Variants in ATP8B4 observed in about 807,000 individuals in gnomAD.
ATP8B4 encodes the protein ATPase phospholipid transporting 8B4 (putative), also known as probable phospholipid-transporting ATPase IM.
Under a neutral mutation model 145.6 loss-of-function variants are expected in ATP8B4, and 133 were observed. The ratio of observed to expected loss-of-function variants is 0.91; its 90% CI spans 0.79 to 1.05. The LOEUF (loss-of-function observed/expected upper bound fraction) is 1.05, where lower values mean the gene tolerates loss of function less well. Among genes scored for constraint, ATP8B4 ranks in the 50% least tolerant of loss-of-function variants. The probability of loss-of-function intolerance (pLI) is 0.00; values close to 1 mark genes in which losing one functional copy is unlikely to be tolerated. For missense variants in ATP8B4, 1,458 were observed against 1,425.2 expected (o/e 1.02, Z -0.37); for synonymous variants, 507 against 492.9 (o/e 1.03, Z -0.38).
At chr15:49,966,791 A>T (rs2044588393) in intron 13 of ATP8B4, among the ~76,000 whole-genome samples, 10 of 152,236 alleles carry the variant, frequency 6.6e-5, no homozygotes. Flanking sequence ...TGCTTCCTCA[A>T]GTGGGTCCCT....
chr15:49,996,798 A>C (rs2153555596), intron 8 of ATP8B4, 39 bp from the exon 9 acceptor site: 2 of 1,503,828 alleles, frequency 1.3e-6, no homozygotes, highest in South Asian at 1.1e-5. Flanking sequence ...TTTATATGGA[A>C]CAGCCCAACA....
At chr15:49,950,866 T>C (rs1257335606) in intron 14 of ATP8B4, among the ~76,000 whole-genome samples, 2 of 152,216 alleles carry the variant, frequency 1.3e-5, no homozygotes, top group African/African-American at 4.8e-5. Flanking sequence ...TTAATGCTGC[T>C]TTAGCTGTGT....
intron 2 of ATP8B4, 101 bp downstream of exon 2, chr15:50,106,838 A>T: frequency 8.4e-7 from 1 of 1,190,172 alleles, no homozygotes; most frequent in Middle Eastern, 2.8e-4. Flanking sequence ...CTGAACACCT[A>T]GACCTGTGTG....
intron 7 of ATP8B4, chr15:50,009,740 G>A (rs2048586992): frequency 2.2e-6 from 1 of 450,888 alleles, no homozygotes; most frequent in African/African-American, 2.0e-5. Flanking sequence ...TAGATTGCGA[G>A]TGAGAACCTG....
chr15:50,180,091 T>C (rs1362457344), intron 1 of ATP8B4, among the ~76,000 whole-genome samples: 3 of 152,148 alleles, frequency 2.0e-5, no homozygotes, highest in African/African-American at 7.2e-5. Context: ...CTCACCCCCA[T>C]GGGTGAGCGC....
At chr15:50,033,075 A>G (rs1222220582) in intron 6 of ATP8B4, among the ~76,000 whole-genome samples, 1 of 152,210 alleles carries the variant, frequency 6.6e-6, no homozygotes, top group Non-Finnish European at 1.5e-5. Flanking sequence ...TTGTTCAGGT[A>G]ATTATGCAGC....
intron 25 of ATP8B4, 103 bp downstream of exon 25, chr15:49,876,175 C>A: frequency 6.9e-7 from 1 of 1,457,734 alleles, no homozygotes; most frequent in Non-Finnish European, 9.2e-7. Flanking sequence ...CCCAGTATTC[C>A]TTTAGGATTA....
chr15:50,043,725 A>G (rs8028408), intron 5 of ATP8B4, among the ~76,000 whole-genome samples: 102,881 of 151,572 alleles, frequency 0.68, 37,040 homozygotes, highest in East Asian at 0.99. Context: ...AGGCCGAGGC[A>G]GGTGGATCAT....
intron 1 of ATP8B4, among the ~76,000 whole-genome samples, chr15:50,140,451 C>T (rs1396355185): frequency 6.6e-6 from 1 of 152,072 alleles, no homozygotes; most frequent in Non-Finnish European, 1.5e-5. Flanking sequence ...TGGGTTGGAT[C>T]AACACTAGAA....
intron 16 of ATP8B4, among the ~76,000 whole-genome samples, chr15:49,925,853 A>C (rs949604283): frequency 5.9e-5 from 9 of 152,154 alleles, no homozygotes; most frequent in African/African-American, 2.2e-4. Flanking sequence ...TTTCTGTTCA[A>C]AGTTAATAAA....
intron 15 of ATP8B4, among the ~76,000 whole-genome samples, chr15:49,933,368 T>G (rs1272114839): frequency 1.3e-5 from 2 of 152,042 alleles, no homozygotes; most frequent in Non-Finnish European, 2.9e-5. Context: ...TGGAATAGAT[T>G]AGGTTCAACT....
chr15:49,886,521 T>C (rs913417357), intron 23 of ATP8B4, among the ~76,000 whole-genome samples: 1 of 152,200 alleles, frequency 6.6e-6, no homozygotes, highest in Non-Finnish European at 1.5e-5. Flanking sequence ...AATTCTTTAT[T>C]GAGACAATTA....
intron 9 of ATP8B4, among the ~76,000 whole-genome samples, chr15:49,995,886 T>C (rs573129816): frequency 6.6e-6 from 1 of 152,262 alleles, no homozygotes; most frequent in African/African-American, 2.4e-5. Flanking sequence ...CAGCCTATTA[T>C]GGTGCCTAAA....
intron 2 of ATP8B4, among the ~76,000 whole-genome samples, chr15:50,091,418 C>CT (rs546762914): frequency 1.0e-3 from 158 of 152,030 alleles, no homozygotes; most frequent in African/African-American, 3.7e-3. Flanking sequence ...TTTACTTAAA[C>CT]TTTTTTTTAT....
rs151094786 is a variant in ATP8B4, at chr15:49,898,135, C to T, written c.2406G>A (p.Val802=). 1.4e-5 allele frequency: 23 copies of T among 1,613,864 alleles called. No individual in the cohort carries two copies. Among genetic ancestry groups the T allele is most frequent in the Non-Finnish European group, 1.9e-5 (22 of 1,179,904 alleles). ...PLQKAQVVEL[V]KKYRNAVTLA... ...AAGTAACAGCATTTCTGTACTTCTT[C>T]ACCAGCTCTACCACTTGGGCTTTCT... is the stretch of plus-strand genomic sequence containing the variant. Residue 802 remains valine (V), a synonymous_variant, in exon 22 of 28, where the codon GTG becomes GTA. Coordinates refer to ENST00000284509, the MANE Select transcript of ATP8B4 (RefSeq NM_024837.4).
chr15:50,064,708 C>A (rs1467923837), intron 3 of ATP8B4, among the ~76,000 whole-genome samples: 4 of 152,036 alleles, frequency 2.6e-5, no homozygotes, highest in Non-Finnish European at 5.9e-5. Flanking sequence ...TTTATAAAGA[C>A]AAGAGGTTTA....
At chr15:50,133,009 G>C (rs930784008) in intron 1 of ATP8B4, among the ~76,000 whole-genome samples, 1 of 151,980 alleles carries the variant, frequency 6.6e-6, no homozygotes, top group African/African-American at 2.4e-5. Context: ...ACCTAATGTA[G>C]ATGATGGGTT....
At chr15:50,006,369 G>A (rs1046069038) in intron 7 of ATP8B4, among the ~76,000 whole-genome samples, 1 of 150,790 alleles carries the variant, frequency 6.6e-6, no homozygotes, top group Non-Finnish European at 1.5e-5. Context: ...ATATCAGAGA[G>A]AGAGACAGAA....
At chr15:50,018,376 G>T (rs560430379) in intron 6 of ATP8B4, among the ~76,000 whole-genome samples, 3 of 152,144 alleles carry the variant, frequency 2.0e-5, no homozygotes, top group African/African-American at 7.2e-5. Context: ...TGTACAAAAT[G>T]ACCCCTCTAA....
Sources: allele counts gnomAD v4.1 joint callset (sites outside exome capture counted in the v4.1 genomes callset), GRCh38; gene constraint gnomAD v4.1.1; transcripts MANE v1.5; gene names NCBI Gene and HGNC (gene_info 2026-07-23, HGNC 2026-07-21).